Variants in DYNC2H1 observed in about 807,000 individuals in gnomAD.
The protein encoded by DYNC2H1 is dynein cytoplasmic 2 heavy chain 1.
In DYNC2H1, 410 loss-of-function variants were observed where a neutral mutation model predicts 570.0. The ratio of observed to expected loss-of-function variants is 0.72; its 90% CI spans 0.66 to 0.78. The LOEUF (loss-of-function observed/expected upper bound fraction) is 0.78, where lower values mean the gene tolerates loss of function less well. DYNC2H1 is among the 30% of genes least tolerant of loss of function. DYNC2H1 has a pLI of 0.00. For synonymous variants in DYNC2H1, 1,688 were observed against 1,677.6 expected, an observed-to-expected ratio of 1.01 and a Z score of -0.15; for missense variants, 4,865 against 5,046.4, an observed-to-expected ratio of 0.96 and a Z score of 1.09.
At position 103,177,394 on chromosome 11, in the gene DYNC2H1, G is replaced by A. The variant is rs907947414; in HGVS notation, c.5875-162G>A. Among the ~76,000 whole-genome samples, 1 of 152,076 alleles carries A rather than the reference G, an allele frequency of 6.6e-6. No homozygotes were observed. Among genetic ancestry groups the A allele is most frequent in the African/African-American group, 2.4e-5 (1 of 41,428 alleles). On this transcript the variant is annotated intron_variant, in intron 37 of 88. Coordinates refer to ENST00000375735, the MANE Select transcript of DYNC2H1 (RefSeq NM_001377.3). The surrounding 1 kb of genome is among the most constrained non-coding windows in gnomAD (Gnocchi z 4.4). ...TATTTAAAGATTATATTGTAAATAT[G>A]TTCAGATTTATTTAGGTAGTCTATT...
rs1159234508 is a variant in DYNC2H1 at position 103,235,783 on chromosome 11, G to A, written c.9679G>A (p.Glu3227Lys). 6.2e-7 allele frequency: 1 copy of A among 1,611,584 alleles called. No individual in the cohort carries two copies. Among genetic ancestry groups the A allele is most frequent in the Non-Finnish European group, 8.5e-7 (1 of 1,178,372 alleles). ...TGAATCTCTGAGAAAAACCTGTTTG[G>A]AAGAATGGACCAAGTCAGCTGGTCT... ...APESLRKTCL[E>K]EWTKSAGLEK... Residue 3227 changes from glutamate (E) to lysine (K), a missense_variant, in exon 62 of 89, where the codon GAA (glutamate) becomes AAA (lysine). Transcript: ENST00000375735.
intron 70 of DYNC2H1, among the ~76,000 whole-genome samples, chr11:103,270,851 T>G (rs1046960313): frequency 2.6e-5 from 4 of 152,204 alleles, no homozygotes; most frequent in Non-Finnish European, 4.4e-5. Context: ...TTCAGACCAC[T>G]GTTGACTGTA....
chr11:103,129,829 A>G lies in DYNC2H1; in HGVS notation c.1953+824A>G, dbSNP rs1303650090. 6.6e-6 allele frequency among the ~76,000 whole-genome samples: 1 copy of G among 152,242 alleles called. No individual in the cohort carries two copies. Among genetic ancestry groups the G allele is most frequent in the African/African-American group, 2.4e-5 (1 of 41,462 alleles). On this transcript the variant is annotated intron_variant, in intron 13 of 88. Coordinates refer to ENST00000375735, the MANE Select transcript of DYNC2H1 (RefSeq NM_001377.3). The surrounding 1 kb of genome is among the most constrained non-coding windows in gnomAD (Gnocchi z 4.1). ...AATGTTTGACAAAAATAAGCAGAAGAGGTATATACCATTTTATTTTTTTCT... is the reference window on the plus strand; with the variant it reads ...AATGTTTGACAAAAATAAGCAGAAGGGGTATATACCATTTTATTTTTTTCT...
Position 103,399,891 on chromosome 11 carries a change from T to C in DYNC2H1, c.12366+19T>C. The C allele has an allele frequency of 6.3e-7, 1 of 1,587,104 alleles. No homozygotes were observed. The highest frequency in any genetic ancestry group is 8.6e-7 in the Non-Finnish European group (1 of 1,158,136). On this transcript the variant is annotated intron_variant, in intron 84 of 88. Transcript: ENST00000375735. ...CCAAAAGGTAAGCGAGTACTAACTG[T>C]ATGTATTTTTATTTCATTGTTATAA...
At chr11:103,456,220 ATATTT>A (rs1944781963) in intron 86 of DYNC2H1, 50 bp from the exon 87 acceptor site, 6 of 1,375,006 alleles carry the variant, frequency 4.4e-6, no homozygotes, top group Non-Finnish European at 4.0e-6. Context: ...GTTACTCTTC[ATATTT>A]TAATTCCTAA....
At chr11:103,207,587 G>A (rs904841464) in intron 52 of DYNC2H1, among the ~76,000 whole-genome samples, 14 of 152,074 alleles carry the variant, frequency 9.2e-5, no homozygotes, top group African/African-American at 2.7e-4. Flanking sequence ...GAATGAGGGA[G>A]GAGGCTTTGG....
chr11:103,187,422 C>T lies in DYNC2H1; in HGVS notation c.6976C>T (p.His2326Tyr), dbSNP rs770222887. 1 of 1,613,330 alleles carries T rather than the reference C, an allele frequency of 6.2e-7. No individual in the cohort carries two copies. The highest frequency in any genetic ancestry group is 1.1e-5 in the South Asian group (1 of 91,080). Residue 2326 changes from histidine (H) to tyrosine (Y), a missense_variant, in exon 43 of 89, where the codon CAT becomes TAT. By Grantham distance (83) the His-to-Tyr change is moderately conservative. This residue lies in a region of DYNC2H1 where 2,401 missense variants were observed against 2,454.6 expected (regional missense o/e 0.98). Transcript: ENST00000375735. ...VHCSAQTTSR[H>Y]LLQKLSQTCM... is the part of the protein sequence containing the mutation. ...CTGTAGTGCACAAACCACTTCTCGACATCTCCTGCAGAAACTGAGCCAGAC... is the reference window on the plus strand; with the variant it reads ...CTGTAGTGCACAAACCACTTCTCGATATCTCCTGCAGAAACTGAGCCAGAC...
chr11:103,283,099 A>G lies in DYNC2H1; in HGVS notation c.10890+14A>G. The G allele has an allele frequency of 1.3e-6, 2 of 1,586,992 alleles. No individual in the cohort carries two copies. The highest frequency in any genetic ancestry group is 1.7e-6 in the Non-Finnish European group (2 of 1,160,048). Reference sequence around the variant, plus strand: ...GCAACATTAAAGGTATTCCTTTTCTACTATGAGACATGTTTTAATTTCTTC... The same window carrying G: ...GCAACATTAAAGGTATTCCTTTTCTGCTATGAGACATGTTTTAATTTCTTC... On this transcript the variant is annotated intron_variant, in intron 73 of 88. Coordinates refer to ENST00000375735, the MANE Select transcript of DYNC2H1 (RefSeq NM_001377.3).
chr11:103,348,736 A>G (rs1045477872), intron 82 of DYNC2H1, among the ~76,000 whole-genome samples: 9 of 151,998 alleles, frequency 5.9e-5, no homozygotes, highest in African/African-American at 1.9e-4. Flanking sequence ...TGGGGCTCTG[A>G]TATGGTTTGG....
intron 85 of DYNC2H1, among the ~76,000 whole-genome samples, chr11:103,451,324 C>CTTTTTTTTTTTTTTTTTTTTTT (rs34032894): frequency 7.0e-5 from 5 of 71,034 alleles, no homozygotes; most frequent in African/African-American, 3.4e-4. Context: ...AGTAAAAGGG[C>CTTTTTTTTTTTTTTTTTTTTTT]TTTTTTTTTT....
intron 83 of DYNC2H1, among the ~76,000 whole-genome samples, chr11:103,370,316 C>G (rs1941094487): frequency 2.0e-5 from 3 of 152,190 alleles, no homozygotes; most frequent in Admixed American, 2.0e-4. Flanking sequence ...AATAAAATAC[C>G]AGGTAGAGTT....
intron 85 of DYNC2H1, among the ~76,000 whole-genome samples, chr11:103,444,975 A>G (rs1290901551): frequency 6.6e-6 from 1 of 152,216 alleles, no homozygotes; most frequent in Non-Finnish European, 1.5e-5. Context: ...TTAAAAGGTG[A>G]TTCCGCTGGT....
chr11:103,354,001 A>T (rs1940188022), intron 82 of DYNC2H1, among the ~76,000 whole-genome samples: 1 of 151,692 alleles, frequency 6.6e-6, no homozygotes, highest in African/African-American at 2.4e-5. Flanking sequence ...ACATGAGGAA[A>T]CTCTGTTCCT....
chr11:103,131,224 A>T (rs1322313757), intron 13 of DYNC2H1, among the ~76,000 whole-genome samples: 2 of 152,174 alleles, frequency 1.3e-5, no homozygotes, highest in East Asian at 3.9e-4. Context: ...TCCCCTAATC[A>T]TCAAATATGA....
intron 75 of DYNC2H1, among the ~76,000 whole-genome samples, chr11:103,293,552 T>G (rs896627617): frequency 1.3e-5 from 2 of 152,178 alleles, no homozygotes; most frequent in Non-Finnish European, 2.9e-5. Flanking sequence ...CAATAAGTTA[T>G]AGATTTGTCC....
intron 47 of DYNC2H1, among the ~76,000 whole-genome samples, chr11:103,196,548 T>C (rs1862512522): frequency 6.6e-6 from 1 of 152,082 alleles, no homozygotes; most frequent in East Asian, 1.9e-4. Context: ...AGATAAGTAG[T>C]AGGTGAGTTT....
chr11:103,264,226 C>T lies in DYNC2H1; in HGVS notation c.10695+4249C>T, dbSNP rs1413510661. 2.6e-5 allele frequency among the ~76,000 whole-genome samples: 4 copies of T among 151,892 alleles called. No homozygotes were observed. The South Asian group carries it at 8.3e-4, about 32-fold the overall frequency. Reference sequence around the variant, plus strand: ...AGGCAGTAATTAATAGCCTACCAACCAAAAAAAGCCCAGGGTCAGATGGAT... The same window carrying T: ...AGGCAGTAATTAATAGCCTACCAACTAAAAAAAGCCCAGGGTCAGATGGAT... On this transcript the variant is annotated intron_variant, in intron 70 of 88. Transcript: ENST00000375735. This position sits in a 1 kb window ranked among gnomAD's most constrained non-coding sequence, Gnocchi z 4.8.
rs1460971796 is a variant in DYNC2H1, at chr11:103,203,766, C to T, written c.8301C>T (p.Tyr2767=). The part of the protein sequence containing the change: ...QDGFFGPVFN[Y]FTYRIQQNLH... ...GTTTTTTTGGACCAGTCTTCAATTA[C>T]TTCACATATAGTAAGTGACATAGAA... Residue 2767 remains tyrosine (Y), a synonymous_variant, in exon 51 of 89, where the codon TAC becomes TAT. Coordinates refer to ENST00000375735, the MANE Select transcript of DYNC2H1 (RefSeq NM_001377.3). This position sits in a 1 kb window ranked among gnomAD's most constrained non-coding sequence, Gnocchi z 4.7. 1.2e-6 allele frequency: 2 copies of T among 1,601,722 alleles called. No homozygotes were observed. Among genetic ancestry groups the T allele is most frequent in the Non-Finnish European group, 8.5e-7 (1 of 1,172,126 alleles).
intron 83 of DYNC2H1, among the ~76,000 whole-genome samples, chr11:103,367,648 ATAG>A (rs1940968695): frequency 6.6e-6 from 1 of 152,126 alleles, no homozygotes; most frequent in Non-Finnish European, 1.5e-5. Context: ...TACTCACCCT[ATAG>A]CTGTAGGGTA....
Sources: gnomAD v4.1 joint callset for allele counts (sites outside exome capture counted in the v4.1 genomes callset) on GRCh38, gnomAD v4.1.1 for gene constraint, gnomAD v4.1.1 regional missense constraint, Gnocchi (gnomAD v3.1) non-coding constraint, MANE v1.5 for transcripts, NCBI Gene and HGNC (gene_info 2026-07-23, HGNC 2026-07-21) for gene names.